The following NUDCD3 variants were observed in gnomAD, a reference collection of about 807,000 sequenced individuals.
The protein encoded by NUDCD3 is nudC domain-containing protein 3.
A neutral mutation model predicts 39.7 loss-of-function variants in NUDCD3; 13 were observed. The observed-to-expected ratio is 0.33, with a 90% CI of 0.21 to 0.52. The LOEUF (loss-of-function observed/expected upper bound fraction) is 0.52, where lower values mean the gene tolerates loss of function less well. NUDCD3 is among the 20% of genes least tolerant of loss of function. NUDCD3 has a pLI of 0.96. For synonymous variants in NUDCD3, 175 were observed against 172.4 expected (o/e 1.02, Z -0.12); for missense variants, 453 against 458.1 (o/e 0.99, Z 0.10).
intron 5 of NUDCD3, among the ~76,000 whole-genome samples, chr7:44,391,058 T>A (rs1000785694): frequency 2.0e-5 from 3 of 152,038 alleles, no homozygotes; most frequent in African/African-American, 7.2e-5. Flanking sequence ...GACAGACAGG[T>A]GTGAAATCAA....
chr7:44,410,695 A>G (rs11771976), intron 3 of NUDCD3, among the ~76,000 whole-genome samples: 20,452 of 151,436 alleles, frequency 0.14, 1,705 homozygotes, highest in Non-Finnish European at 0.19. Flanking sequence ...CAGGCCAGGC[A>G]TGGTGGCTCA....
intron 5 of NUDCD3, among the ~76,000 whole-genome samples, chr7:44,386,764 G>A (rs1036705922): frequency 1.3e-5 from 2 of 152,204 alleles, no homozygotes; most frequent in Non-Finnish European, 2.9e-5. Context: ...CCTCGCCAAC[G>A]TGTGGCCATT....
chr7:44,421,347 A>AC (rs1017789188), intron 3 of NUDCD3, among the ~76,000 whole-genome samples: 1 of 151,346 alleles, frequency 6.6e-6, no homozygotes, highest in African/African-American at 2.4e-5. Context: ...AAAAAAAAAA[A>AC]AACCACACAC....
chr7:44,487,679 C>T (rs1800641765), intron 1 of NUDCD3, among the ~76,000 whole-genome samples: 1 of 152,132 alleles, frequency 6.6e-6, no homozygotes, highest in South Asian at 2.1e-4. Context: ...CAGCCAGGTG[C>T]AGTAGCTCAT....
intron 2 of NUDCD3, among the ~76,000 whole-genome samples, chr7:44,460,495 T>C (rs898747173): frequency 5.3e-5 from 8 of 152,060 alleles, no homozygotes; most frequent in Non-Finnish European, 1.0e-4. Flanking sequence ...AGACTCCAAA[T>C]AGTATGCCAG....
At chr7:44,416,206 C>G (rs771555020) in intron 3 of NUDCD3, among the ~76,000 whole-genome samples, 5 of 152,160 alleles carry the variant, frequency 3.3e-5, no homozygotes, top group Non-Finnish European at 7.3e-5. Context: ...ACCTCTGCCT[C>G]CCAAGTAGCT....
intron 3 of NUDCD3, among the ~76,000 whole-genome samples, chr7:44,416,707 G>T (rs1799031616): frequency 6.6e-6 from 1 of 152,136 alleles, no homozygotes; most frequent in Admixed American, 6.5e-5. Context: ...AATAAGGCAA[G>T]CCACTATTAA....
At chr7:44,419,584 C>T (rs1157915533) in intron 3 of NUDCD3, among the ~76,000 whole-genome samples, 1 of 150,412 alleles carries the variant, frequency 6.6e-6, no homozygotes, top group African/African-American at 2.5e-5. Context: ...TTGACAGACA[C>T]CTCATACAAA....
chr7:44,486,695 T>C (rs1800618179), intron 1 of NUDCD3, among the ~76,000 whole-genome samples: 2 of 152,324 alleles, frequency 1.3e-5, no homozygotes, highest in South Asian at 4.1e-4. Flanking sequence ...GATCTTCATC[T>C]TAACTCCACA....
intron 1 of NUDCD3, among the ~76,000 whole-genome samples, chr7:44,488,999 TC>T (rs777648898): frequency 3.9e-5 from 6 of 152,054 alleles, no homozygotes; most frequent in Admixed American, 6.5e-5. Flanking sequence ...TCCACATCTT[TC>T]TGCAAACTAC....
At chr7:44,463,450 C>G (rs955066802) in intron 2 of NUDCD3, among the ~76,000 whole-genome samples, 1 of 152,154 alleles carries the variant, frequency 6.6e-6, no homozygotes, top group African/African-American at 2.4e-5. Flanking sequence ...AAAACTGATG[C>G]AGCATCCAGA....
chr7:44,416,711 C>CTATTAAAT (rs1799031752), intron 3 of NUDCD3, among the ~76,000 whole-genome samples: 1 of 152,202 alleles, frequency 6.6e-6, no homozygotes, highest in Non-Finnish European at 1.5e-5. Context: ...AGGCAAGCCA[C>CTATTAAAT]TATTAAATAA....
chr7:44,423,848 C>T (rs1034896244), intron 3 of NUDCD3, among the ~76,000 whole-genome samples: 1 of 152,120 alleles, frequency 6.6e-6, no homozygotes, highest in Non-Finnish European at 1.5e-5. Context: ...CAATCCTAAG[C>T]AAAAAGAACA....
In NUDCD3 at chr7:44,485,503, T is replaced by C. The variant is rs1449208919; in HGVS notation, c.193-219A>G. On this transcript the variant is annotated intron_variant, in intron 1 of 5. Transcript: ENST00000355451. The stretch of plus-strand genomic sequence containing the variant: ...CAAAATCAACAAAATCAGAAACTTA[T>C]AAGCCAAGGCTAACAATATTTACAT... 6 of 525,350 alleles carry C rather than the reference T, an allele frequency of 1.1e-5. No individual in the cohort carries two copies. In the East Asian group the frequency reaches 1.2e-4, roughly 11 times the overall value. The allele number at this position is 525,350 out of a possible 1,614,324, so 32.5% of individuals were successfully genotyped here. A position where few individuals can be genotyped will look rare whatever the true frequency, so the allele number is the denominator to read the frequency against.
chr7:44,416,167 T>C (rs935217696), intron 3 of NUDCD3, among the ~76,000 whole-genome samples: 1 of 152,188 alleles, frequency 6.6e-6, no homozygotes, highest in African/African-American at 2.4e-5. Context: ...CGCAGAAGCC[T>C]TGACCTCCTG....
At chr7:44,464,501 C>A (rs1259055557) in intron 2 of NUDCD3, among the ~76,000 whole-genome samples, 1 of 151,596 alleles carries the variant, frequency 6.6e-6, no homozygotes, top group African/African-American at 2.4e-5. Context: ...TGCTGTGTCA[C>A]CCAGTGCAAT....
At chr7:44,486,034 C>A (rs184368887) in intron 1 of NUDCD3, among the ~76,000 whole-genome samples, 19 of 152,164 alleles carry the variant, frequency 1.2e-4, no homozygotes, top group Non-Finnish European at 2.8e-4. Flanking sequence ...GCATGTCTGG[C>A]GAAAGAAATC....
intron 4 of NUDCD3, among the ~76,000 whole-genome samples, chr7:44,400,105 G>A (rs1585054134): frequency 6.6e-6 from 1 of 152,258 alleles, no homozygotes; most frequent in South Asian, 2.1e-4. Context: ...CCGACTGCAG[G>A]AAGAAAGGAG....
intron 2 of NUDCD3, among the ~76,000 whole-genome samples, chr7:44,470,419 GC>G (rs1800231040): frequency 6.6e-6 from 1 of 152,138 alleles, no homozygotes; most frequent in African/African-American, 2.4e-5. Context: ...GGGTCTCAAA[GC>G]AAATCCTATA....
Sources: allele counts gnomAD v4.1 joint callset (sites outside exome capture counted in the v4.1 genomes callset), GRCh38; gene constraint gnomAD v4.1.1; transcripts MANE v1.5; gene names NCBI Gene and HGNC (gene_info 2026-07-23, HGNC 2026-07-21).